Variants in TBC1D5 observed in about 807,000 individuals in gnomAD.
TBC1D5 encodes the protein TBC1 domain family, member 5.
TBC1D5 carries 75 observed loss-of-function variants against 100.3 expected under a neutral mutation model. The ratio of observed to expected loss-of-function variants is 0.75; its 90% CI spans 0.62 to 0.91. The LOEUF (loss-of-function observed/expected upper bound fraction) is 0.91, where lower values mean the gene tolerates loss of function less well. Ranked by LOEUF, TBC1D5 falls within the 40% of genes least tolerant of loss-of-function variation. The pLI is 0.00. For synonymous variants in TBC1D5, 323 were observed against 325.6 expected, an observed-to-expected ratio of 0.99 and a Z score of 0.09; for missense variants, 910 against 942.4, an observed-to-expected ratio of 0.97 and a Z score of 0.45.
chr3:17,682,745 A>G (rs2153813450), intron 1 of TBC1D5, among the ~76,000 whole-genome samples: 1 of 151,686 alleles, frequency 6.6e-6, no homozygotes, highest in East Asian at 1.9e-4. Flanking sequence ...TAACCTAGTT[A>G]TTAAAATATT....
intron 2 of TBC1D5, among the ~76,000 whole-genome samples, chr3:17,543,927 G>A (rs1381701826): frequency 6.6e-6 from 1 of 151,630 alleles, no homozygotes; most frequent in Non-Finnish European, 1.5e-5. Flanking sequence ...GAGTGCAGTG[G>A]CGCGATCTCG....
rs536366871 is a variant in TBC1D5 at position 17,555,391 on chromosome 3, T to C, written c.-35-46786A>G. On this transcript the variant is annotated intron_variant, in intron 2 of 21. Transcript: ENST00000253692. ...TCAATATATGTGAGGTATACACTGG[T>C]TCTGTCCAGAAAGGCGGGGCATCTC... Among the ~76,000 whole-genome samples, 3 of 152,258 alleles carry C rather than the reference T, an allele frequency of 2.0e-5. 1 individual carries two copies. The South Asian group carries it at 6.2e-4, about 32-fold the overall frequency.
exon 16 of TBC1D5, chr3:17,258,523 G>T: frequency 1.2e-6 from 2 of 1,612,624 alleles, no homozygotes; most frequent in Non-Finnish European, 1.7e-6. Context: ...TATTCATGAG[G>T]TCTGCTCCTC....
intron 1 of TBC1D5, chr3:17,664,953 T>C (rs2067072164): frequency 6.7e-6 from 1 of 149,608 alleles, no homozygotes; most frequent in South Asian, 2.1e-4. Flanking sequence ...GGAACTTATG[T>C]TACTGAATCA....
chr3:17,550,524 CAAAGTT>C (rs940407804), intron 2 of TBC1D5, among the ~76,000 whole-genome samples: 2 of 150,256 alleles, frequency 1.3e-5, no homozygotes, highest in Admixed American at 6.6e-5. Flanking sequence ...GGTACACACA[CAAAGTT>C]AAAAACAACA....
At chr3:17,205,795 G>A (rs911325888) in intron 18 of TBC1D5, among the ~76,000 whole-genome samples, 3 of 152,086 alleles carry the variant, frequency 2.0e-5, no homozygotes, top group Non-Finnish European at 4.4e-5. Context: ...TGATATAATT[G>A]GCTGTGTCAG....
At chr3:17,417,801 C>T (rs1575803747) in intron 4 of TBC1D5, among the ~76,000 whole-genome samples, 1 of 152,128 alleles carries the variant, frequency 6.6e-6, no homozygotes, top group Non-Finnish European at 1.5e-5. Flanking sequence ...AGTTTACAGT[C>T]CCACCAACAG....
In TBC1D5 at chr3:17,674,486, G is replaced by A. The variant is rs144129577; in HGVS notation, c.-100-50573C>T. The stretch of plus-strand genomic sequence containing the variant: ...TGAGAAATGATATCCAACTTATATT[G>A]ATGTTTTTCTATCTGAAGTATGTCA... On this transcript the variant is annotated intron_variant, in intron 1 of 21. Coordinates refer to ENST00000253692, the Ensembl canonical transcript of TBC1D5. 5.9e-3 allele frequency among the ~76,000 whole-genome samples: 895 copies of A among 152,096 alleles called. 4 individuals are homozygous for A. The highest frequency in any genetic ancestry group is 0.02 in the Middle Eastern group (6 of 294).
intron 2 of TBC1D5, among the ~76,000 whole-genome samples, chr3:17,570,863 A>G (rs904872930): frequency 1.3e-5 from 2 of 151,976 alleles, no homozygotes; most frequent in Non-Finnish European, 2.9e-5. Context: ...AGTCCCCTCT[A>G]CAAAGAGAGA....
At chr3:17,331,210 T>C (rs1198037355) in intron 13 of TBC1D5, among the ~76,000 whole-genome samples, 1 of 152,220 alleles carries the variant, frequency 6.6e-6, no homozygotes, top group Non-Finnish European at 1.5e-5. Flanking sequence ...TTCCTGGCTT[T>C]ACCTGCATCT....
At chr3:17,473,423 T>G (rs1330938433) in intron 3 of TBC1D5, among the ~76,000 whole-genome samples, 1 of 152,210 alleles carries the variant, frequency 6.6e-6, no homozygotes, top group African/African-American at 2.4e-5. Flanking sequence ...TCATATACAA[T>G]GAACTTGCAA....
chr3:17,605,895 G>A (rs984629982), intron 2 of TBC1D5, among the ~76,000 whole-genome samples: 4 of 152,008 alleles, frequency 2.6e-5, no homozygotes, highest in African/African-American at 9.7e-5. Flanking sequence ...CAAAGATGAA[G>A]ACCCATTCAC....
chr3:17,658,474 G>C (rs887363804), intron 1 of TBC1D5, among the ~76,000 whole-genome samples: 11 of 152,102 alleles, frequency 7.2e-5, no homozygotes, highest in Middle Eastern at 3.2e-3. Context: ...AGGATTAATA[G>C]GGGAAGGGAA....
chr3:17,670,451 T>A (rs546024055), intron 1 of TBC1D5, among the ~76,000 whole-genome samples: 1 of 152,336 alleles, frequency 6.6e-6, no homozygotes, highest in South Asian at 2.1e-4. Context: ...CCAATTCTTC[T>A]CTGCCTCTTC....
At chr3:17,374,391 T>C (rs2092612634) in intron 12 of TBC1D5, 80 bp downstream of exon 12, 3 of 1,358,470 alleles carry the variant, frequency 2.2e-6, no homozygotes, top group Admixed American at 2.3e-5. Context: ...CTATATACTA[T>C]TCTTTGGTTA....
intron 13 of TBC1D5, among the ~76,000 whole-genome samples, chr3:17,314,532 T>C (rs2084430378): frequency 1.3e-5 from 2 of 152,158 alleles, no homozygotes; most frequent in African/African-American, 4.8e-5. Flanking sequence ...CCAATGTTCC[T>C]CAGCTTGAGT....
chr3:17,403,651 A>G (rs746853981), intron 7 of TBC1D5, among the ~76,000 whole-genome samples: 4 of 152,112 alleles, frequency 2.6e-5, no homozygotes, highest in Non-Finnish European at 5.9e-5. Flanking sequence ...AGTAATCTAG[A>G]GATTATTTAA....
chr3:17,189,502 G>A (rs2069594802), intron 18 of TBC1D5, among the ~76,000 whole-genome samples: 1 of 152,152 alleles, frequency 6.6e-6, no homozygotes. Context: ...TATAAGAAGA[G>A]AAAAATAACT....
intron 13 of TBC1D5, among the ~76,000 whole-genome samples, chr3:17,314,505 C>T (rs1244757748): frequency 6.6e-6 from 1 of 152,124 alleles, no homozygotes; most frequent in Non-Finnish European, 1.5e-5. Flanking sequence ...ACTCTAGTTC[C>T]CTGCATGCCC....
Sources: gnomAD v4.1 joint callset for allele counts (sites outside exome capture counted in the v4.1 genomes callset) on GRCh38, gnomAD v4.1.1 for gene constraint, MANE v1.5 for transcripts, NCBI Gene and HGNC (gene_info 2026-07-23, HGNC 2026-07-21) for gene names.